Variants in VPS13C observed in about 807,000 individuals in gnomAD.
VPS13C encodes intermembrane lipid transfer protein VPS13C.
VPS13C carries 358 observed loss-of-function variants against 456.8 expected under a neutral mutation model. The ratio of observed to expected loss-of-function variants is 0.78; its 90% CI spans 0.72 to 0.86. The LOEUF (loss-of-function observed/expected upper bound fraction) is 0.86, where lower values mean the gene tolerates loss of function less well. VPS13C is among the 40% of genes least tolerant of loss of function. VPS13C has a pLI of 0.00. For missense variants in VPS13C, 4,818 were observed against 4,385.4 expected (o/e 1.10, Z -2.79); for synonymous variants, 1,578 against 1,486.7 (o/e 1.06, Z -1.41).
chr15:61,861,015 G>A (rs903581411), intron 82 of VPS13C, among the ~76,000 whole-genome samples: 2 of 136,204 alleles, frequency 1.5e-5, no homozygotes, highest in Non-Finnish European at 3.0e-5. Flanking sequence ...AAGCTGGAGT[G>A]CAGTGGCACA....
chr15:61,876,075 C>T (rs77392769), intron 75 of VPS13C, among the ~76,000 whole-genome samples: 1,783 of 152,078 alleles, frequency 0.012, 44 homozygotes, highest in African/African-American at 0.041. Context: ...CAGGCTGCCA[C>T]GTAGCAGTTA....
At chr15:61,967,341 A>T in intron 29 of VPS13C, 27 bp downstream of exon 29, 2 of 1,564,766 alleles carry the variant, frequency 1.3e-6, no homozygotes, top group Non-Finnish European at 1.7e-6. Context: ...GTAAACAATA[A>T]ATATATAATC....
intron 47 of VPS13C, 23 bp downstream of exon 47, chr15:61,940,624 T>C (rs1200452514): frequency 1.3e-5 from 21 of 1,588,476 alleles, no homozygotes; most frequent in Non-Finnish European, 1.8e-5. Context: ...GAAATTTTCA[T>C]ATATTATATA....
At chr15:61,877,899 G>C (rs1479764365) in intron 74 of VPS13C, among the ~76,000 whole-genome samples, 1 of 151,602 alleles carries the variant, frequency 6.6e-6, no homozygotes, top group Admixed American at 6.6e-5. Flanking sequence ...TAGAATCTAG[G>C]TTTTTCTTCT....
At chr15:61,892,306 GA>G (rs2042677029) in intron 66 of VPS13C, among the ~76,000 whole-genome samples, 1 of 152,170 alleles carries the variant, frequency 6.6e-6, no homozygotes, top group African/African-American at 2.4e-5. Context: ...TAAGTCTTCT[GA>G]GGAGGAACCC....
In VPS13C at chr15:61,927,130, G is replaced by A. The variant is rs2043876158; in HGVS notation, c.6477C>T (p.Cys2159=). 1.9e-6 allele frequency: 3 copies of A among 1,614,182 alleles called. No homozygotes were observed. The Admixed American group carries it at 5.0e-5, about 27-fold the overall frequency. Residue 2159 remains cysteine, a synonymous_variant, in exon 52 of 85, where the codon TGC becomes TGT. Coordinates refer to ENST00000644861, the MANE Select transcript of VPS13C (RefSeq NM_020821.3). ...ASVRDLKVLA[C]PFLREKRGKN... ...TCCCTCTCTTTTCTCTGAGAAAAGGGCAAGCGAGCACTTTCAGATCTCTCA... is the reference window on the plus strand; with the variant it reads ...TCCCTCTCTTTTCTCTGAGAAAAGGACAAGCGAGCACTTTCAGATCTCTCA...
chr15:61,984,615 C>T (rs569471956), intron 19 of VPS13C, among the ~76,000 whole-genome samples: 1 of 152,154 alleles, frequency 6.6e-6, no homozygotes, highest in Non-Finnish European at 1.5e-5. Flanking sequence ...ATTATTGAGC[C>T]TATAAATTAA....
chr15:61,934,571 A>C (rs181737135), intron 48 of VPS13C, among the ~76,000 whole-genome samples: 2 of 151,602 alleles, frequency 1.3e-5, no homozygotes, highest in African/African-American at 2.4e-5. Context: ...ATGTTAAAAA[A>C]TTTTTTTTTA....
At chr15:61,987,145 A>G (rs1374567718) in intron 18 of VPS13C, among the ~76,000 whole-genome samples, 1 of 152,076 alleles carries the variant, frequency 6.6e-6, no homozygotes, top group Non-Finnish European at 1.5e-5. Flanking sequence ...TACTTTTGAA[A>G]ACACTGATAA....
chr15:61,869,494 A>G lies in VPS13C; in HGVS notation c.10748+6T>C. On this transcript the variant is annotated splice_donor_region_variant and intron_variant, in intron 80 of 84. Transcript: ENST00000644861. ...CATACCTTGCACATAGTATGTACTC[A>G]ATTACCTCTGAATGCCTTGGAAGGT... 2 of 1,614,014 alleles carry G rather than the reference A, an allele frequency of 1.2e-6. No individual in the cohort carries two copies. The highest frequency in any genetic ancestry group is 1.7e-6 in the Non-Finnish European group (2 of 1,179,948).
intron 82 of VPS13C, among the ~76,000 whole-genome samples, chr15:61,863,217 C>T (rs769007623): frequency 2.0e-5 from 3 of 152,072 alleles, no homozygotes; most frequent in Non-Finnish European, 2.9e-5. Context: ...CTAAGCCACA[C>T]TGAGTCTCAG....
intron 81 of VPS13C, chr15:61,865,544 G>A (rs1365909616): frequency 1.1e-6 from 1 of 890,300 alleles, no homozygotes; most frequent in African/African-American, 1.8e-5. Context: ...ATGTATATAT[G>A]TATGTGTAAA....
At chr15:62,003,837 T>C (rs1273460132) in intron 15 of VPS13C, among the ~76,000 whole-genome samples, 1 of 151,746 alleles carries the variant, frequency 6.6e-6, no homozygotes, top group Non-Finnish European at 1.5e-5. Flanking sequence ...GATTTGCGTA[T>C]GTTGAACCAG....
intron 27 of VPS13C, among the ~76,000 whole-genome samples, chr15:61,971,248 CTTTTAT>C (rs1213741549): frequency 6.6e-6 from 1 of 152,044 alleles, no homozygotes; most frequent in East Asian, 1.9e-4. Flanking sequence ...CTGACATTCC[CTTTTAT>C]TTTTATTTTA....
At chr15:61,948,752 G>A (rs1382657623) in intron 42 of VPS13C, among the ~76,000 whole-genome samples, 1 of 151,642 alleles carries the variant, frequency 6.6e-6, no homozygotes, top group Non-Finnish European at 1.5e-5. Context: ...CACCAAACAT[G>A]CCAGTAATAC....
intron 66 of VPS13C, among the ~76,000 whole-genome samples, chr15:61,894,390 A>G (rs147006258): frequency 2.5e-4 from 38 of 152,238 alleles, no homozygotes; most frequent in Admixed American, 5.9e-4. Flanking sequence ...CAATAATAAT[A>G]ATGAATGTAA....
At chr15:61,889,970 A>G (rs2140068702) in intron 67 of VPS13C, among the ~76,000 whole-genome samples, 195 bp downstream of exon 67, 1 of 152,294 alleles carries the variant, frequency 6.6e-6, no homozygotes, top group African/African-American at 2.4e-5. Flanking sequence ...GTGAAGACAA[A>G]GACAATATCT....
chr15:61,927,117 C>T lies in VPS13C; in HGVS notation c.6490G>A (p.Glu2164Lys), dbSNP rs1383201405. 1.2e-6 allele frequency: 2 copies of T among 1,614,038 alleles called. No individual in the cohort carries two copies. Among genetic ancestry groups the T allele is most frequent in the African/African-American group, 2.7e-5 (2 of 74,936 alleles). ...GTGGTAATGTTTTTCCCTCTCTTTT[C>T]TCTGAGAAAAGGGCAAGCGAGCACT... ...LKVLACPFLR[E>K]KRGKNITTVL... The change falls in exon 52 of 85, where the codon GAA (glutamate) becomes AAA (lysine). Residue 2164 changes from glutamate to lysine, a missense_variant. Physicochemically the swap from Glu to Lys is moderately conservative, Grantham distance 56. Coordinates refer to ENST00000644861, the MANE Select transcript of VPS13C (RefSeq NM_020821.3).
chr15:61,882,559 GTGA>G (rs748052077), intron 69 of VPS13C, 34 bp downstream of exon 69: 1 of 1,453,020 alleles, frequency 6.9e-7, no homozygotes, highest in Non-Finnish European at 9.1e-7. Flanking sequence ...GATTCCCAAA[GTGA>G]TGATAAATAC....
Sources: gnomAD v4.1 joint callset for allele counts (sites outside exome capture counted in the v4.1 genomes callset) on GRCh38, gnomAD v4.1.1 for gene constraint, MANE v1.5 for transcripts, NCBI Gene and HGNC (gene_info 2026-07-23, HGNC 2026-07-21) for gene names.